Variants in ABCB4 observed in about 807,000 individuals in gnomAD.
ABCB4 encodes the protein ATP binding cassette subfamily B member 4.
In ABCB4, 76 loss-of-function variants were observed where a neutral mutation model predicts 145.7. The ratio of observed to expected loss-of-function variants is 0.52; its 90% CI spans 0.43 to 0.63. The LOEUF (loss-of-function observed/expected upper bound fraction) is 0.63. ABCB4 is among the 30% of genes least tolerant of loss of function. ABCB4 has a pLI of 0.00. For missense variants in ABCB4, 1,234 were observed against 1,553.1 expected, an observed-to-expected ratio of 0.79 and a Z score of 3.45; for synonymous variants, 517 against 566.8, an observed-to-expected ratio of 0.91 and a Z score of 1.25.
the ABCB4 span, among the ~76,000 whole-genome samples, chr7:87,383,192 T>C: frequency 3.3e-5 from 5 of 152,282 alleles, no homozygotes; most frequent in African/African-American, 9.6e-5. Flanking sequence ...TACTGTGCTA[T>C]CGAACACTAG....
chr7:87,468,955 T>TAAAAA (rs1563005640), intron 3 of ABCB4, among the ~76,000 whole-genome samples: 1 of 147,818 alleles, frequency 6.8e-6, no homozygotes, highest in East Asian at 1.9e-4. Context: ...TAAAATAAAA[T>TAAAAA]AAAATAAAAT....
rs748538133 is a variant in ABCB4, at chr7:87,417,450, T to G, written c.2544A>C (p.Ile848=). Residue 848 remains isoleucine (I), a synonymous_variant, in exon 21 of 28, where the codon ATA becomes ATC. Coordinates refer to ENST00000649586, the MANE Select transcript of ABCB4 (RefSeq NM_000443.4). Reference sequence around the variant, plus strand: ...TTAACTGCCAACCGTAGATAAATGATATGATAATACCAGTTCCAAGGTTAG... The same window carrying G: ...TTAACTGCCAACCGTAGATAAATGAGATGATAATACCAGTTCCAAGGTTAG... ...NIANLGTGII[I]SFIYGWQLTL... is the part of the protein sequence containing the mutation. 1.9e-6 allele frequency: 3 copies of G among 1,614,076 alleles called. No individual in the cohort carries two copies. Among genetic ancestry groups the G allele is most frequent in the African/African-American group, 2.7e-5 (2 of 74,942 alleles).
intron 7 of ABCB4, 127 bp downstream of exon 7, chr7:87,451,496 G>C (rs2116799867): frequency 1.0e-6 from 1 of 965,788 alleles, no homozygotes; most frequent in South Asian, 1.4e-5. Context: ...TTAACACCAT[G>C]TTACTGGATG....
intron 10 of ABCB4, 127 bp from the exon 11 acceptor site, chr7:87,443,900 C>T (rs1400277665): frequency 1.4e-6 from 1 of 723,378 alleles, no homozygotes; most frequent in East Asian, 2.7e-5. Context: ...ATAAGAAAAA[C>T]CCAAGATGAA....
At chr7:87,372,622 T>C in the ABCB4 span, among the ~76,000 whole-genome samples, 1 of 152,152 alleles carries the variant, frequency 6.6e-6, no homozygotes, top group East Asian at 1.9e-4. Context: ...ACCCAAAAGT[T>C]CTGACAACTA....
At chr7:87,407,937 G>C in intron 25 of ABCB4, 100 bp downstream of exon 25, 1 of 1,485,288 alleles carries the variant, frequency 6.7e-7, no homozygotes, top group East Asian at 2.3e-5. Flanking sequence ...TATCAAACAG[G>C]ATTCTAGGTC....
At chr7:87,442,699 C>A (rs540215000) in intron 12 of ABCB4, among the ~76,000 whole-genome samples, 2 of 152,100 alleles carry the variant, frequency 1.3e-5, no homozygotes, top group South Asian at 4.2e-4. Flanking sequence ...GCAAGTGGGT[C>A]AAAATATAAA....
chr7:87,428,466 G>A (rs780977755), intron 15 of ABCB4, among the ~76,000 whole-genome samples: 53 of 152,114 alleles, frequency 3.5e-4, no homozygotes, highest in Admixed American at 1.6e-3. Flanking sequence ...TATCCTTTCG[G>A]AGAACAACCT....
intron 21 of ABCB4, among the ~76,000 whole-genome samples, chr7:87,415,902 T>A (rs1808938236): frequency 6.6e-6 from 1 of 152,136 alleles, no homozygotes; most frequent in African/African-American, 2.4e-5. Flanking sequence ...TTCTCCCATA[T>A]GAAATGTGGA....
chr7:87,422,470 C>A (rs1353271605), intron 17 of ABCB4, among the ~76,000 whole-genome samples: 3 of 152,170 alleles, frequency 2.0e-5, no homozygotes, highest in African/African-American at 7.2e-5. Flanking sequence ...ATCTACAGAA[C>A]TTTTCGCCTT....
At chr7:87,443,834 G>T (rs1811159888) in intron 10 of ABCB4, 61 bp from the exon 11 acceptor site, 1 of 1,377,936 alleles carries the variant, frequency 7.3e-7, no homozygotes, top group Non-Finnish European at 1.0e-6. Flanking sequence ...CATTTTTAAG[G>T]AATATGATTC....
chr7:87,393,344 A>G, the ABCB4 span, among the ~76,000 whole-genome samples: 1 of 152,172 alleles, frequency 6.6e-6, no homozygotes, highest in Non-Finnish European at 1.5e-5. Context: ...CAGTACACCC[A>G]TGAACATATT....
At chr7:87,399,474 C>CA (rs1807683291), downstream of ABCB4, 1 of 151,472 alleles carries the variant, frequency 6.6e-6, no homozygotes, top group Non-Finnish European at 1.5e-5. Context: ...GACCCTGTCT[C>CA]AAAGAAGAAA....
At chr7:87,449,326 T>C (rs548239703) in intron 8 of ABCB4, among the ~76,000 whole-genome samples, 36 of 152,302 alleles carry the variant, frequency 2.4e-4, no homozygotes, top group African/African-American at 7.2e-4. Flanking sequence ...TTCATAGTCA[T>C]TAAGGAGTAA....
chr7:87,402,524 A>G (rs575612035), intron 27 of ABCB4, among the ~76,000 whole-genome samples: 1 of 152,316 alleles, frequency 6.6e-6, no homozygotes, highest in African/African-American at 2.4e-5. Flanking sequence ...GCTGTAAAAA[A>G]ATTCATAAGT....
intron 20 of ABCB4, 111 bp downstream of exon 20, chr7:87,418,426 T>A (rs779718088): frequency 6.8e-6 from 7 of 1,023,394 alleles, no homozygotes; most frequent in Non-Finnish European, 1.1e-5. Context: ...AGTTTTGATT[T>A]GAGCTTTCTG....
chr7:87,426,436 G>A (rs767759097), intron 16 of ABCB4, among the ~76,000 whole-genome samples: 1 of 152,094 alleles, frequency 6.6e-6, no homozygotes, highest in Non-Finnish European at 1.5e-5. Context: ...GCAAATATCA[G>A]GGCCTCTCGT....
At chr7:87,393,506 C>T in the ABCB4 span, among the ~76,000 whole-genome samples, 1 of 152,120 alleles carries the variant, frequency 6.6e-6, no homozygotes, top group Non-Finnish European at 1.5e-5. Flanking sequence ...ATGCAGTTCA[C>T]TTGGGCTGTG....
chr7:87,453,049 C>G lies in ABCB4; in HGVS notation c.431G>C (p.Arg144Pro). The part of the protein sequence containing the change: ...QVSFWTLAAG[R>P]QIRKIRQKFF... ...CTTCTGCCTAATTTTCCTGATCTGTCGACCAGCTGCCAAAGTCCAAAATGA... is the reference window on the plus strand; with the variant it reads ...CTTCTGCCTAATTTTCCTGATCTGTGGACCAGCTGCCAAAGTCCAAAATGA... Residue 144 changes from arginine to proline, a missense_variant, in exon 6 of 28, where the codon CGA becomes CCA. Physicochemically the swap from Arg to Pro is moderately radical, Grantham distance 103. Coordinates refer to ENST00000649586, the MANE Select transcript of ABCB4 (RefSeq NM_000443.4). 1 of 1,614,060 alleles carries G rather than the reference C, an allele frequency of 6.2e-7. No individual in the cohort carries two copies. Among genetic ancestry groups the G allele is most frequent in the Non-Finnish European group, 8.5e-7 (1 of 1,180,012 alleles).
Sources: gnomAD v4.1 joint callset for allele counts (sites outside exome capture counted in the v4.1 genomes callset) on GRCh38, gnomAD v4.1.1 for gene constraint, MANE v1.5 for transcripts, NCBI Gene and HGNC (gene_info 2026-07-23, HGNC 2026-07-21) for gene names.